Variants in MACROD1 observed in about 807,000 individuals in gnomAD.
MACROD1 encodes the protein mono-ADP ribosylhydrolase 1.
In MACROD1, 31 loss-of-function variants were observed where a neutral mutation model predicts 41.4. That is an observed-to-expected ratio of 0.75 (90% confidence interval 0.56 to 1.01). The LOEUF (loss-of-function observed/expected upper bound fraction) is 1.01, where lower values mean the gene tolerates loss of function less well. Among genes scored for constraint, MACROD1 ranks in the 50% least tolerant of loss-of-function variants. The pLI, the probability that MACROD1 is intolerant of heterozygous loss-of-function variation, is 0.00. For missense variants in MACROD1, 473 were observed against 460.0 expected (o/e 1.03, Z -0.26); for synonymous variants, 252 against 203.4 (o/e 1.24, Z -2.03).
intron 4 of MACROD1, among the ~76,000 whole-genome samples, chr11:64,011,315 GTGTTGGCTGGCA>G (rs1181508285): frequency 1.1e-4 from 16 of 151,264 alleles, no homozygotes; most frequent in Admixed American, 6.6e-4. Context: ...TGTTGTTGGG[GTGTTGGCTGGCA>G]TGTTGGTTGG....
chr11:64,005,795 T>A (rs1339219539), intron 4 of MACROD1, among the ~76,000 whole-genome samples: 3 of 152,180 alleles, frequency 2.0e-5, no homozygotes. Context: ...AGGGTGGAGA[T>A]GCCCCTGAGA....
At chr11:64,046,068 T>C (rs1943578854) in intron 3 of MACROD1, among the ~76,000 whole-genome samples, 1 of 149,468 alleles carries the variant, frequency 6.7e-6, no homozygotes, top group Non-Finnish European at 1.5e-5. Flanking sequence ...TTTTTACACA[T>C]GAGGAAACTG....
intron 3 of MACROD1, among the ~76,000 whole-genome samples, chr11:64,063,694 G>A (rs770974428): frequency 2.6e-5 from 4 of 152,158 alleles, no homozygotes; most frequent in Non-Finnish European, 5.9e-5. Context: ...GGTGTCAAGG[G>A]ACACACCTCA....
intron 3 of MACROD1, among the ~76,000 whole-genome samples, chr11:64,126,572 T>C (rs1412487369): frequency 1.3e-5 from 2 of 152,110 alleles, no homozygotes; most frequent in East Asian, 3.9e-4. Flanking sequence ...GTTATTTGTA[T>C]CTTATGTGGT....
chr11:64,065,717 G>A (rs1182726559), intron 3 of MACROD1, among the ~76,000 whole-genome samples: 2 of 151,442 alleles, frequency 1.3e-5, no homozygotes, highest in Admixed American at 6.6e-5. Flanking sequence ...GTGAACCCGG[G>A]AGGCGGAGCT....
At chr11:64,063,707 G>A (rs1014808232) in intron 3 of MACROD1, among the ~76,000 whole-genome samples, 3 of 152,280 alleles carry the variant, frequency 2.0e-5, no homozygotes, top group Non-Finnish European at 2.9e-5. Flanking sequence ...ACACCTCAGC[G>A]GGTGCTGAAA....
intron 3 of MACROD1, among the ~76,000 whole-genome samples, chr11:64,133,510 C>T (rs1172389580): frequency 4.6e-5 from 7 of 152,180 alleles, no homozygotes; most frequent in Admixed American, 3.9e-4. Context: ...CGTTCTCTCC[C>T]TTGATCTCCT....
chr11:64,094,977 C>T (rs535508507), intron 3 of MACROD1, among the ~76,000 whole-genome samples: 1 of 152,200 alleles, frequency 6.6e-6, no homozygotes, highest in Non-Finnish European at 1.5e-5. Context: ...CTAGGGGCCT[C>T]GTTAGCTGTG....
intron 3 of MACROD1, among the ~76,000 whole-genome samples, chr11:64,145,305 G>A (rs968435096): frequency 1.3e-5 from 2 of 151,948 alleles, no homozygotes; most frequent in African/African-American, 2.4e-5. Context: ...CTCGCCTCCC[G>A]CCACCTCCTT....
intron 1 of MACROD1, among the ~76,000 whole-genome samples, chr11:64,162,605 G>A (rs1366081252): frequency 6.6e-6 from 1 of 151,756 alleles, no homozygotes. Flanking sequence ...ACGAGGTCAG[G>A]AGATTGAGAC....
intron 3 of MACROD1, among the ~76,000 whole-genome samples, chr11:64,066,996 G>C (rs1287914724): frequency 2.0e-5 from 3 of 152,224 alleles, no homozygotes; most frequent in Admixed American, 2.0e-4. Flanking sequence ...CCAAGCCTCT[G>C]CCCTCACGCT....
chr11:64,127,407 A>T (rs1225942236), intron 3 of MACROD1, among the ~76,000 whole-genome samples: 30 of 143,272 alleles, frequency 2.1e-4, no homozygotes, highest in Non-Finnish European at 3.7e-4. Context: ...CCCGAGGCTC[A>T]GCCCACCCCC....
chr11:64,110,220 T>G (rs1944836418), intron 3 of MACROD1, among the ~76,000 whole-genome samples: 1 of 151,958 alleles, frequency 6.6e-6, no homozygotes, highest in Admixed American at 6.6e-5. Flanking sequence ...GATGCTGAAG[T>G]GGGCAGATTG....
intron 1 of MACROD1, among the ~76,000 whole-genome samples, chr11:64,156,404 G>A (rs1370042815): frequency 2.6e-5 from 4 of 152,234 alleles, no homozygotes; most frequent in African/African-American, 9.7e-5. Flanking sequence ...AGAAAGTCAG[G>A]TACCCACCGT....
intron 3 of MACROD1, among the ~76,000 whole-genome samples, chr11:64,039,018 A>C (rs1943434959): frequency 6.6e-6 from 1 of 152,100 alleles, no homozygotes; most frequent in Admixed American, 6.5e-5. Context: ...CCCCTCGTTC[A>C]CTGTGGGCCA....
At chr11:64,140,719 C>A (rs191760858) in intron 3 of MACROD1, among the ~76,000 whole-genome samples, 1 of 152,298 alleles carries the variant, frequency 6.6e-6, no homozygotes, top group Admixed American at 6.5e-5. Flanking sequence ...CCCATGCACT[C>A]TTATCCCTGT....
Position 64,000,325 on chromosome 11 carries a change from C to G in MACROD1, c.566G>C (p.Arg189Pro), listed in dbSNP as rs1490333126. 5 of 1,586,156 alleles carry G rather than the reference C, an allele frequency of 3.2e-6. No individual in the cohort carries two copies. The highest frequency in any genetic ancestry group is 2.3e-5 in the East Asian group (1 of 43,248). Residue 189 changes from arginine to proline, a missense_variant, in exon 5 of 11, where the codon CGG becomes CCG. Physicochemically the swap from Arg to Pro is moderately radical, Grantham distance 103. Coordinates refer to ENST00000255681, the MANE Select transcript of MACROD1 (RefSeq NM_014067.4). ...GGGGVDGCIHRAAGPLLTDEC... is the reference protein window; with the variant it reads ...GGGGVDGCIHPAAGPLLTDEC... ...GTCGGTAAGCAGGGGGCCGGCGGCCCGATGAATGCAGCCGTCCACTGCGGG... is the reference window on the plus strand; with the variant it reads ...GTCGGTAAGCAGGGGGCCGGCGGCCGGATGAATGCAGCCGTCCACTGCGGG...
intron 3 of MACROD1, among the ~76,000 whole-genome samples, chr11:64,045,623 C>T (rs1260419899): frequency 1.3e-5 from 2 of 152,150 alleles, no homozygotes; most frequent in Non-Finnish European, 2.9e-5. Flanking sequence ...CACCTTGCTG[C>T]GTCCTGAGGG....
intron 3 of MACROD1, among the ~76,000 whole-genome samples, chr11:64,071,867 T>C (rs577967061): frequency 5.3e-5 from 8 of 152,216 alleles, no homozygotes; most frequent in Admixed American, 3.9e-4. Flanking sequence ...CCGTGGGCAG[T>C]AGTGGCGAGA....
Sources: gnomAD v4.1 joint callset for allele counts (sites outside exome capture counted in the v4.1 genomes callset) on GRCh38, gnomAD v4.1.1 for gene constraint, MANE v1.5 for transcripts, NCBI Gene and HGNC (gene_info 2026-07-23, HGNC 2026-07-21) for gene names.